FAT2: variants seen among roughly 807,000 people sequenced by gnomAD.
The protein encoded by FAT2 is protocadherin Fat 2.
In FAT2, 150 loss-of-function variants were observed where a neutral mutation model predicts 295.3. The observed-to-expected ratio is 0.51, with a 90% CI of 0.44 to 0.58. The LOEUF is 0.58. FAT2 is among the 20% of genes least tolerant of loss of function. The pLI is 0.00. For synonymous variants in FAT2, 2,026 were observed against 2,150.3 expected (o/e 0.94, Z 1.60); for missense variants, 4,868 against 5,442.7 (o/e 0.89, Z 3.32).
chr5:151,537,749 A>G, intron 12 of FAT2, 44 bp downstream of exon 12: 1 of 1,570,760 alleles, frequency 6.4e-7, no homozygotes, highest in Non-Finnish European at 8.6e-7. Context: ...CTTGGTATTC[A>G]GTAAAGAAGT....
Position 151,507,493 on chromosome 5 carries a change from T to A in FAT2, c.12178A>T (p.Ile4060Phe). 6.2e-7 allele frequency: 1 copy of A among 1,614,076 alleles called. No homozygotes were observed. Among genetic ancestry groups the A allele is most frequent in the Non-Finnish European group, 8.5e-7 (1 of 1,180,008 alleles). Reference protein sequence around the residue: ...LIITVAVAFIIISTVGLLFYC... With the variant: ...LIITVAVAFIFISTVGLLFYC... ...AAGAGAAGCCCGACAGTGCTTATGA[T>A]AATGAACGCCACGGCCACTGTGATG... Residue 4060 changes from isoleucine (I) to phenylalanine (F), a missense_variant, in exon 23 of 24, where the codon ATC (isoleucine) becomes TTC (phenylalanine). Ile to Phe is a conservative substitution (Grantham distance 21). Coordinates refer to ENST00000261800, the MANE Select transcript of FAT2 (RefSeq NM_001447.3).
chr5:151,564,481 T>A (rs1013173452), intron 2 of FAT2, among the ~76,000 whole-genome samples: 1 of 152,254 alleles, frequency 6.6e-6, no homozygotes. Context: ...GAGACAAAGG[T>A]TGCTGAAAGC....
intron 11 of FAT2, among the ~76,000 whole-genome samples, chr5:151,538,929 G>A (rs879479777): frequency 8.6e-5 from 13 of 151,742 alleles, no homozygotes; most frequent in South Asian, 6.3e-4. Flanking sequence ...CAGGTGATCC[G>A]CCTGCCTCGG....
rs141702200 is a variant in FAT2 at position 151,523,913 on chromosome 5, G to A, written c.10507-1827C>T. 1.2e-3 allele frequency among the ~76,000 whole-genome samples: 181 copies of A among 152,250 alleles called. 1 individual carries two copies. Among genetic ancestry groups the A allele is most frequent in the Middle Eastern group, 3.4e-3 (1 of 294 alleles). ...TGCACTACCACCGAAGTCTTCATGGGAGCCAACAATTTAGAAATCACCCCT... is the reference window on the plus strand; with the variant it reads ...TGCACTACCACCGAAGTCTTCATGGAAGCCAACAATTTAGAAATCACCCCT... On this transcript the variant is annotated intron_variant, in intron 18 of 23. Transcript: ENST00000261800.
chr5:151,505,358 C>CTGTT lies in FAT2; in HGVS notation c.*203_*206dup, dbSNP rs1760755615. ...ATGCCCCTCTCCTGGGACCCTAGTG[C>CTGTT]TGTTTCTGGAGCTCTATCCTCAGCT... On this transcript the variant is annotated 3_prime_UTR_variant, in exon 24 of 24. Coordinates refer to ENST00000261800, the MANE Select transcript of FAT2 (RefSeq NM_001447.3). The CTGTT allele has an allele frequency of 4.8e-6, 3 of 626,066 alleles. No individual in the cohort carries two copies. In the Admixed American group the frequency reaches 9.1e-5, roughly 19 times the overall value. The allele number at this position is 626,066 out of a possible 1,614,324, so 38.8% of individuals were successfully genotyped here. A position where few individuals can be genotyped will look rare whatever the true frequency, so the allele number is the denominator to read the frequency against.
In FAT2 at chr5:151,545,502, C is replaced by A. The variant is rs2127612305; in HGVS notation, c.5625G>T (p.Gln1875His). 6.2e-7 allele frequency: 1 copy of A among 1,614,180 alleles called. No individual in the cohort carries two copies. Among genetic ancestry groups the A allele is most frequent in the Non-Finnish European group, 8.5e-7 (1 of 1,180,032 alleles). Reference protein sequence around the residue: ...VNDSPPRFSEQIYEVAIVGPI... With the variant: ...VNDSPPRFSEHIYEVAIVGPI... ...GCCCGACTATTGCTACCTCATATAT[C>A]TGTTCTGAGAATCTGGGAGGGGAAT... The change falls in exon 10 of 24, where the codon CAG (glutamine) becomes CAT (histidine). Residue 1875 changes from glutamine to histidine, a missense_variant. Gln to His is a conservative substitution (Grantham distance 24). Transcript: ENST00000261800.
intron 3 of FAT2, among the ~76,000 whole-genome samples, chr5:151,559,560 G>A (rs533694900): frequency 6.6e-6 from 1 of 151,834 alleles, no homozygotes; most frequent in African/African-American, 2.4e-5. Context: ...TCTCTTTTCT[G>A]TGTTTCTCCT....
At chr5:151,556,546 G>T in intron 3 of FAT2, 144 bp from the exon 4 acceptor site, 1 of 622,094 alleles carries the variant, frequency 1.6e-6, no homozygotes, top group African/African-American at 1.8e-5. Flanking sequence ...CCTGACTTAG[G>T]ATAGTTCAAC....
upstream of FAT2, among the ~76,000 whole-genome samples, chr5:151,591,893 A>G (rs1759425891): frequency 1.3e-5 from 2 of 152,192 alleles, no homozygotes; most frequent in African/African-American, 4.8e-5. Flanking sequence ...ACCAGTCAGG[A>G]CTTAGCTGAG....
intron 1 of FAT2, among the ~76,000 whole-genome samples, 198 bp downstream of exon 1, chr5:151,590,967 C>G (rs1759378643): frequency 1.3e-5 from 2 of 152,344 alleles, no homozygotes; most frequent in South Asian, 4.1e-4. Context: ...GGCTACCTCA[C>G]TGGCTTCTTT....
At chr5:151,588,367 T>A (rs558009321) in intron 1 of FAT2, among the ~76,000 whole-genome samples, 1 of 152,224 alleles carries the variant, frequency 6.6e-6, no homozygotes. Flanking sequence ...GTCCAAGTTC[T>A]GCATAGTGGT....
chr5:151,551,639 C>T (rs761932898), intron 6 of FAT2, 33 bp from the exon 7 acceptor site: 2 of 1,612,618 alleles, frequency 1.2e-6, no homozygotes, highest in Non-Finnish European at 1.7e-6. Context: ...GCACACACAA[C>T]CTCAGTGATT....
At position 151,507,379 on chromosome 5, in the gene FAT2, T is replaced by C; in HGVS notation, c.12292A>G (p.Met4098Val). ...AATGGGTTGAGCTCGATGGCAGGCA[T>C]GGCTTGGGTGTCAACACCAACACTC... is the stretch of plus-strand genomic sequence containing the variant. ...ARSVGVDTQA[M>V]PAIELNPLSA... Residue 4098 changes from methionine (M) to valine (V), a missense_variant, in exon 23 of 24, where the codon ATG becomes GTG. Around this residue, in one of 5 missense-constraint regions of FAT2, gnomAD observed 492 missense variants for 482.6 expected, o/e 1.02. Transcript: ENST00000261800. 6.2e-7 allele frequency: 1 copy of C among 1,614,184 alleles called. No homozygotes were observed. Among genetic ancestry groups the C allele is most frequent in the Non-Finnish European group, 8.5e-7 (1 of 1,180,034 alleles).
intron 1 of FAT2, among the ~76,000 whole-genome samples, chr5:151,572,023 C>T (rs905086326): frequency 6.6e-6 from 1 of 152,176 alleles, no homozygotes; most frequent in African/African-American, 2.4e-5. Context: ...ATGAATAATT[C>T]CTTCTTGTCA....
Position 151,517,635 on chromosome 5 carries a change from C to A in FAT2, c.11448G>T (p.Ala3816=). Residue 3816 remains alanine, a synonymous_variant, in exon 20 of 24, where the codon GCG becomes GCT. Transcript: ENST00000261800. ...AGTGCCTTACCTTCAGGGAGACGGA[C>A]GCTGTTTCATTGGTGAATAGAAGAA... ...QAILLFTNET[A]SVSLKLASGV... The A allele has an allele frequency of 6.2e-7, 1 of 1,614,116 alleles. No homozygotes were observed.
In FAT2 at chr5:151,521,862, G is replaced by C; in HGVS notation, c.10731C>G (p.His3577Gln). 6.2e-7 allele frequency: 1 copy of C among 1,614,216 alleles called. No homozygotes were observed. Among genetic ancestry groups the C allele is most frequent in the Admixed American group, 1.7e-5 (1 of 60,030 alleles). The part of the protein sequence containing the change: ...SLAEEETLGR[H>Q]FSVGAPDGKI... Reference sequence around the variant, plus strand: ...TGCCATCAGGCGCACCCACTGAGAAGTGCCTGCCCAGGGTCTCCTCTTCTG... The same window carrying C: ...TGCCATCAGGCGCACCCACTGAGAACTGCCTGCCCAGGGTCTCCTCTTCTG... The change falls in exon 19 of 24, where the codon CAC becomes CAG. Residue 3577 changes from histidine (H) to glutamine (Q), a missense_variant. Physicochemically the swap from His to Gln is conservative, Grantham distance 24. This residue lies in a region of FAT2 where 1,046 missense variants were observed against 1,210.1 expected (regional missense o/e 0.86). Transcript: ENST00000261800.
chr5:151,557,186 G>C (rs984216808), intron 3 of FAT2, among the ~76,000 whole-genome samples: 4 of 152,126 alleles, frequency 2.6e-5, no homozygotes, highest in African/African-American at 7.2e-5. Context: ...AAAATCTATG[G>C]AACATGTTTG....
rs751409160 is a variant in FAT2, at chr5:151,540,755, G to A, written c.8851C>T (p.Pro2951Ser). ...QVTCYITEGD[P>S]LGQFGISQVG... ...TGGCTGATGCCAAACTGGCCCAGGG[G>A]GTCTCCCTCTAAACAGATGGGGCAG... Residue 2951 changes from proline to serine, a missense_variant, in exon 11 of 24, where the codon CCC (proline) becomes TCC (serine). Coordinates refer to ENST00000261800, the MANE Select transcript of FAT2 (RefSeq NM_001447.3). 3 of 1,613,434 alleles carry A rather than the reference G, an allele frequency of 1.9e-6. No homozygotes were observed. Among genetic ancestry groups the A allele is most frequent in the African/African-American group, 2.7e-5 (2 of 74,922 alleles).
rs375900487 is a variant in FAT2, at chr5:151,505,908, C to T, written c.12707G>A (p.Arg4236Gln). Residue 4236 changes from arginine to glutamine, a missense_variant, in exon 24 of 24, where the codon CGG becomes CAG. This residue lies in a region of FAT2 where 492 missense variants were observed against 482.6 expected (regional missense o/e 1.02). Transcript: ENST00000261800. ...FPFPLEMENKRAPLPPRYSNQ... is the reference protein window; with the variant it reads ...FPFPLEMENKQAPLPPRYSNQ... ...GCTGTAACGGGGTGGGAGAGGTGCC[C>T]GCTTGTTTTCCATCTCCAGGGGGAA... 3.0e-5 allele frequency: 47 copies of T among 1,590,484 alleles called. No homozygotes were observed. The highest frequency in any genetic ancestry group is 3.8e-5 in the Non-Finnish European group (44 of 1,170,228).
Sources: allele counts gnomAD v4.1 joint callset (sites outside exome capture counted in the v4.1 genomes callset), GRCh38; gene constraint gnomAD v4.1.1; regional missense constraint gnomAD v4.1.1; transcripts MANE v1.5; gene names NCBI Gene and HGNC (gene_info 2026-07-23, HGNC 2026-07-21).